WASHC2A: variants seen among roughly 807,000 people sequenced by gnomAD.
WASHC2A encodes the protein WASH complex subunit FAM21A.
A neutral mutation model predicts 140.3 loss-of-function variants in WASHC2A; 82 were observed. That is an observed-to-expected ratio of 0.58 (90% CI 0.49 to 0.70). The LOEUF is 0.70. Among genes scored for constraint, WASHC2A ranks in the 30% least tolerant of loss-of-function variants. The pLI is 0.00. For missense variants in WASHC2A, 985 were observed against 1,521.8 expected (o/e 0.65, Z 5.87); for synonymous variants, 340 against 560.8 (o/e 0.61, Z 5.56).
intron 19 of WASHC2A, among the ~76,000 whole-genome samples, chr10:50,107,219 A>G (rs1369117996): frequency 1.2e-5 from 1 of 85,136 alleles, no homozygotes; most frequent in Non-Finnish European, 2.5e-5. Flanking sequence ...GTATACCCCA[A>G]TGGCCATATA....
intron 4 of WASHC2A, among the ~76,000 whole-genome samples, chr10:50,080,263 A>G (rs1554879417): frequency 6.6e-6 from 1 of 152,166 alleles, no homozygotes; most frequent in African/African-American, 2.4e-5. Flanking sequence ...TTTGATGTAG[A>G]ACAGATTTAT....
chr10:50,094,204 T>C (rs1165578894), intron 13 of WASHC2A, among the ~76,000 whole-genome samples: 3 of 150,644 alleles, frequency 2.0e-5, no homozygotes, highest in Admixed American at 6.6e-5. Flanking sequence ...ATGGTTTTCA[T>C]TGAATGAAGT....
At chr10:50,087,188 G>C (rs1328488981) in intron 7 of WASHC2A, 87 bp from the exon 8 acceptor site, 11 of 1,571,968 alleles carry the variant, frequency 7.0e-6, no homozygotes, top group African/African-American at 1.4e-5. Context: ...CATAGAATCA[G>C]CCTGCCCCAG....
chr10:50,095,052 A>T, intron 13 of WASHC2A, 96 bp from the exon 14 acceptor site: 1 of 1,600,096 alleles, frequency 6.2e-7, no homozygotes, highest in East Asian at 2.2e-5. Flanking sequence ...AAGGTCTGAT[A>T]CTAGCTGTGT....
At chr10:50,071,136 C>G (rs1457542365) in intron 3 of WASHC2A, among the ~76,000 whole-genome samples, 2 of 120,648 alleles carry the variant, frequency 1.7e-5, no homozygotes, top group African/African-American at 5.7e-5. Flanking sequence ...GTCAGGGACT[C>G]TAGACTCAAC....
chr10:50,098,700 T>A (rs1840744527), intron 16 of WASHC2A, among the ~76,000 whole-genome samples: 1 of 132,154 alleles, frequency 7.6e-6, no homozygotes. Context: ...CTCTTTGGTC[T>A]CCTTAATCTA....
intron 8 of WASHC2A, among the ~76,000 whole-genome samples, chr10:50,087,920 ATTC>A (rs1225751383): frequency 1.3e-5 from 2 of 151,158 alleles, no homozygotes; most frequent in Non-Finnish European, 3.0e-5. Context: ...GGTTCAAATA[ATTC>A]TTCTGCCTCA....
At chr10:50,090,515 A>ATATATATATATATATATATTTATATTTAT (rs1554882430) in intron 8 of WASHC2A, among the ~76,000 whole-genome samples, 3 of 108,766 alleles carry the variant, frequency 2.8e-5, no homozygotes, top group Non-Finnish European at 3.7e-5. Flanking sequence ...AAAAAAAAAA[A>ATATATATATATATATATATTTATATTTAT]ATATATATAT....
chr10:50,098,089 C>A (rs1840670396), intron 16 of WASHC2A, among the ~76,000 whole-genome samples: 1 of 151,760 alleles, frequency 6.6e-6, no homozygotes, highest in African/African-American at 2.4e-5. Flanking sequence ...GGAACTGTTT[C>A]CATGTAGTCA....
At chr10:50,127,001 A>T (rs1843490407) in intron 26 of WASHC2A, among the ~76,000 whole-genome samples, 159 bp from the exon 27 acceptor site, 1 of 152,062 alleles carries the variant, frequency 6.6e-6, no homozygotes, top group African/African-American at 2.4e-5. Flanking sequence ...AAGTAGTGCT[A>T]GTGAAACATC....
chr10:50,100,468 C>T (rs868942890), intron 17 of WASHC2A, among the ~76,000 whole-genome samples: 3,675 of 152,214 alleles, frequency 0.024, 56 homozygotes, highest in Middle Eastern at 0.054. Context: ...GGCGACAGAG[C>T]GAGACTTCAT....
intron 16 of WASHC2A, 34 bp downstream of exon 16, chr10:50,097,836 T>A: frequency 6.2e-7 from 1 of 1,611,468 alleles, no homozygotes; most frequent in Non-Finnish European, 8.5e-7. Context: ...GCAGGAGCAT[T>A]GATCTGCCGC....
intron 8 of WASHC2A, among the ~76,000 whole-genome samples, chr10:50,090,515 A>AAAATATAT (rs1214596899): frequency 4.6e-5 from 5 of 108,760 alleles, no homozygotes; most frequent in African/African-American, 1.3e-4. Flanking sequence ...AAAAAAAAAA[A>AAAATATAT]ATATATATAT....
At chr10:50,126,351 C>G (rs1843430456) in intron 26 of WASHC2A, 172 bp downstream of exon 26, 2 of 1,033,176 alleles carry the variant, frequency 1.9e-6, no homozygotes, top group South Asian at 1.9e-5. Flanking sequence ...CCTCTCCTCG[C>G]TCCACACGCC....
intron 23 of WASHC2A, among the ~76,000 whole-genome samples, chr10:50,124,604 G>A (rs1429030281): frequency 1.2e-4 from 18 of 152,280 alleles, no homozygotes; most frequent in African/African-American, 4.3e-4. Flanking sequence ...GCTTGTGGTC[G>A]CACCTGTGCC....
In WASHC2A at chr10:50,095,617, G is replaced by A; in HGVS notation, c.1259G>A (p.Gly420Asp). ...SVFLGDTDVFGAASVPSMKEP... is the reference protein window; with the variant it reads ...SVFLGDTDVFDAASVPSMKEP... Reference sequence around the variant, plus strand: ...CCCACAGGAGACACGGATGTGTTTGGTGCTGCCTCCGTTCCATCAATGAAG... The same window carrying A: ...CCCACAGGAGACACGGATGTGTTTGATGCTGCCTCCGTTCCATCAATGAAG... The change falls in exon 15 of 31, where the codon GGT (glycine) becomes GAT (aspartate). Residue 420 changes from glycine (G) to aspartate (D), a missense_variant. By Grantham distance (94) the Gly-to-Asp change is moderately conservative (BLOSUM62 -1). Transcript: ENST00000282633. The A allele has an allele frequency of 1.9e-6, 3 of 1,611,892 alleles. No individual in the cohort carries two copies. The highest frequency in any genetic ancestry group is 1.7e-5 in the Admixed American group (1 of 59,996).
chr10:50,086,666 A>G (rs375075051), intron 7 of WASHC2A, among the ~76,000 whole-genome samples: 24 of 130,918 alleles, frequency 1.8e-4, no homozygotes, highest in East Asian at 7.1e-4. Context: ...TCATTGTTCA[A>G]TTCCCACCTA....
At chr10:50,132,474 A>G (rs1458898991) in intron 30 of WASHC2A, among the ~76,000 whole-genome samples, 3 of 152,252 alleles carry the variant, frequency 2.0e-5, no homozygotes, top group Admixed American at 6.5e-5. Context: ...GTATGAAAAG[A>G]ATATCTAAAT....
chr10:50,132,088 A>G (rs1844025756), intron 30 of WASHC2A, among the ~76,000 whole-genome samples: 1 of 152,232 alleles, frequency 6.6e-6, no homozygotes, highest in South Asian at 2.1e-4. Context: ...GTCAGTACAT[A>G]GAGATCTCCT....
Sources: gnomAD v4.1 joint callset for allele counts (sites outside exome capture counted in the v4.1 genomes callset) on GRCh38, gnomAD v4.1.1 for gene constraint, MANE v1.5 for transcripts, NCBI Gene and HGNC (gene_info 2026-07-23, HGNC 2026-07-21) for gene names.